Variants in LRIT3 observed in about 807,000 individuals in gnomAD.
LRIT3 encodes leucine rich repeat, Ig-like and transmembrane domains 3, also known as leucine-rich repeat, immunoglobulin-like domain and transmembrane domain-containing protein 3.
Under a neutral mutation model 22.6 loss-of-function variants are expected in LRIT3, and 14 were observed. That is an observed-to-expected ratio of 0.62 (90% CI 0.41 to 0.97). LRIT3 has a LOEUF of 0.97. Ranked by LOEUF, LRIT3 falls within the 50% of genes least tolerant of loss-of-function variation. The pLI is 0.00. For synonymous variants in LRIT3, 306 were observed against 304.5 expected (o/e 1.01, Z -0.05); for missense variants, 783 against 803.0 (o/e 0.98, Z 0.30).
rs1734810987 is a variant in LRIT3, at chr4:109,870,601, G to A, written c.1852G>A (p.Glu618Lys). The A allele has an allele frequency of 1.2e-6, 2 of 1,613,530 alleles. No homozygotes were observed. Among genetic ancestry groups the A allele is most frequent in the Non-Finnish European group, 1.7e-6 (2 of 1,179,724 alleles). Residue 618 changes from glutamate to lysine, a missense_variant, in exon 4 of 4, where the codon GAA becomes AAA. Glu to Lys is a moderately conservative substitution (Grantham distance 56). Around this residue, in one of 2 missense-constraint regions of LRIT3, gnomAD observed 756 missense variants for 753.8 expected, o/e 1.00. Transcript: ENST00000594814. ...KLQCKSEPFW[E>K]DDLAKETYIQ... ...GCAATGTAAATCAGAACCTTTTTGGGAAGATGATTTGGCAAAGGAGACTTA... is the reference window on the plus strand; with the variant it reads ...GCAATGTAAATCAGAACCTTTTTGGAAAGATGATTTGGCAAAGGAGACTTA...
At chr4:109,861,899 G>A (rs945193850) in intron 2 of LRIT3, among the ~76,000 whole-genome samples, 2 of 152,130 alleles carry the variant, frequency 1.3e-5, no homozygotes, top group African/African-American at 2.4e-5. Context: ...TATAGTTTTA[G>A]CCTTTATACT....
Position 109,870,814 on chromosome 4 carries a change from A to G in LRIT3, c.*25A>G. On this transcript the variant is annotated 3_prime_UTR_variant, in exon 4 of 4. Transcript: ENST00000594814. Reference sequence around the variant, plus strand: ...AGGTTCTGCAGCTCAGGTGCATGTGAGCTACAAAACTAGCATCTAAGGGTA... The same window carrying G: ...AGGTTCTGCAGCTCAGGTGCATGTGGGCTACAAAACTAGCATCTAAGGGTA... The G allele has an allele frequency of 6.5e-7, 1 of 1,548,432 alleles. No homozygotes were observed. Among genetic ancestry groups the G allele is most frequent in the Non-Finnish European group, 8.7e-7 (1 of 1,147,304 alleles).
intron 2 of LRIT3, among the ~76,000 whole-genome samples, chr4:109,866,035 A>G (rs761813843): frequency 6.6e-6 from 1 of 152,202 alleles, no homozygotes; most frequent in Non-Finnish European, 1.5e-5. Flanking sequence ...TTATTCACCC[A>G]TGGAAGAAAA....
intron 2 of LRIT3, among the ~76,000 whole-genome samples, chr4:109,867,410 T>A (rs1400196421): frequency 6.6e-6 from 1 of 152,212 alleles, no homozygotes; most frequent in South Asian, 2.1e-4. Flanking sequence ...ACAGAGTGAA[T>A]GCTCAATAAG....
At chr4:109,855,354 G>T (rs1278613742) in intron 2 of LRIT3, among the ~76,000 whole-genome samples, 1 of 152,100 alleles carries the variant, frequency 6.6e-6, no homozygotes, top group African/African-American at 2.4e-5. Flanking sequence ...TTCTCTGATG[G>T]TAGTTTGTAT....
chr4:109,850,152 T>C (rs1293929718), intron 1 of LRIT3, among the ~76,000 whole-genome samples: 1 of 152,238 alleles, frequency 6.6e-6, no homozygotes, highest in Non-Finnish European at 1.5e-5. Flanking sequence ...ATGTCATATG[T>C]TTCACTAAAG....
chr4:109,854,228 G>A lies in LRIT3; in HGVS notation c.589+2252G>A, dbSNP rs143022642. Reference sequence around the variant, plus strand: ...TTCTTCCTATCCATGAGCATGGAATGTTTTTCCATTTGTTTATATCTTCTT... The same window carrying A: ...TTCTTCCTATCCATGAGCATGGAATATTTTTCCATTTGTTTATATCTTCTT... On this transcript the variant is annotated intron_variant, in intron 2 of 3. Coordinates refer to ENST00000594814, the MANE Select transcript of LRIT3 (RefSeq NM_198506.5). 2.9e-3 allele frequency among the ~76,000 whole-genome samples: 446 copies of A among 152,268 alleles called. 2 individuals carry two copies. Among genetic ancestry groups the A allele is most frequent in the African/African-American group, 0.01 (428 of 41,542 alleles).
intron 2 of LRIT3, among the ~76,000 whole-genome samples, chr4:109,856,500 T>A (rs1734405615): frequency 6.6e-6 from 1 of 152,152 alleles, no homozygotes. Context: ...CATCTAAAAC[T>A]TCATCACTGG....
rs1172673759 is a variant in LRIT3 at position 109,870,830 on chromosome 4, T to C, written c.*41T>C. On this transcript the variant is annotated 3_prime_UTR_variant, in exon 4 of 4. Transcript: ENST00000594814. ...GTGCATGTGAGCTACAAAACTAGCATCTAAGGGTATAATTGACCCTAGGTT... is the reference window on the plus strand; with the variant it reads ...GTGCATGTGAGCTACAAAACTAGCACCTAAGGGTATAATTGACCCTAGGTT... The C allele has an allele frequency of 2.0e-6, 3 of 1,528,490 alleles. No homozygotes were observed. The highest frequency in any genetic ancestry group is 2.1e-5 in the Admixed American group (1 of 47,374). The allele number at this position is 1,528,490 out of a possible 1,614,324, so 94.7% of individuals were successfully genotyped here.
chr4:109,851,804 C>G lies in LRIT3; in HGVS notation c.417C>G (p.Asn139Lys). The G allele has an allele frequency of 6.4e-7, 1 of 1,551,790 alleles. No homozygotes were observed. The highest frequency in any genetic ancestry group is 8.7e-7 in the Non-Finnish European group (1 of 1,147,026). ...PLLRTLDLHN[N>K]KITSVPNEAL... ...TGAGGACCCTGGACTTGCACAATAA[C>G]AAAATAACCAGTGTGCCAAATGAGG... Residue 139 changes from asparagine (N) to lysine (K), a missense_variant, in exon 2 of 4, where the codon AAC (asparagine) becomes AAG (lysine). Around this residue, in one of 2 missense-constraint regions of LRIT3, gnomAD observed 756 missense variants for 753.8 expected, o/e 1.00. Coordinates refer to ENST00000594814, the MANE Select transcript of LRIT3 (RefSeq NM_198506.5).
intron 2 of LRIT3, among the ~76,000 whole-genome samples, chr4:109,855,211 T>C (rs1488057634): frequency 6.6e-6 from 1 of 152,230 alleles, no homozygotes; most frequent in African/African-American, 2.4e-5. Context: ...ACTGCCTCAA[T>C]TTCAGAACTT....
intron 2 of LRIT3, among the ~76,000 whole-genome samples, chr4:109,866,873 G>A (rs183313778): frequency 3.3e-5 from 5 of 152,296 alleles, no homozygotes; most frequent in African/African-American, 9.6e-5. Context: ...TCCGCTAACC[G>A]CATTGCTTGC....
chr4:109,850,418 C>CTTTCTTTCTCTTTCTTT (rs1491056843), intron 1 of LRIT3, among the ~76,000 whole-genome samples: 2 of 28,228 alleles, frequency 7.1e-5, no homozygotes, highest in Non-Finnish European at 1.3e-4. Flanking sequence ...TTCCTTCCTT[C>CTTTCTTTCTCTTTCTTT]CTTCCTTTCT....
At position 109,870,066 on chromosome 4, in the gene LRIT3, G is replaced by A. The variant is rs189069580; in HGVS notation, c.1317G>A (p.Lys439=). Residue 439 remains lysine, a synonymous_variant, in exon 4 of 4, where the codon AAG becomes AAA. Transcript: ENST00000594814. ...CAGCAAGTACCACCATGGCCAACAA[G>A]CGATCATTCCAGCTCCACCAAGGTG... The part of the protein sequence containing the change: ...SISASTTMAN[K]RSFQLHQGGK... 603 of 1,614,132 alleles carry A rather than the reference G, an allele frequency of 3.7e-4. 4 individuals are homozygous for A. The East Asian group carries it at 0.012, about 32-fold the overall frequency.
intron 2 of LRIT3, among the ~76,000 whole-genome samples, chr4:109,855,801 T>A (rs75599740): frequency 5.9e-5 from 9 of 152,292 alleles, no homozygotes; most frequent in African/African-American, 2.2e-4. Flanking sequence ...TTATGTACCC[T>A]GTAGTCATTA....
Position 109,870,957 on chromosome 4 carries a change from A to C in LRIT3, c.*168A>C, listed in dbSNP as rs1268282450. 3 of 589,208 alleles carry C rather than the reference A, an allele frequency of 5.1e-6. No homozygotes were observed. The highest frequency in any genetic ancestry group is 7.9e-6 in the Non-Finnish European group (3 of 380,872). The allele number at this position is 589,208 out of a possible 1,614,324, so 36.5% of individuals were successfully genotyped here. A position where few individuals can be genotyped will look rare whatever the true frequency, so the allele number is the denominator to read the frequency against. ...ACCATGAGACCTCTGAACTGAAAAG[A>C]CAAATAATGTTGATTTTTTTTCTTG... On this transcript the variant is annotated 3_prime_UTR_variant, in exon 4 of 4. Coordinates refer to ENST00000594814, the MANE Select transcript of LRIT3 (RefSeq NM_198506.5).
intron 2 of LRIT3, among the ~76,000 whole-genome samples, chr4:109,866,908 A>T (rs199751434): frequency 1.3e-5 from 2 of 152,216 alleles, no homozygotes; most frequent in East Asian, 3.8e-4. Flanking sequence ...TGAAGGGAGT[A>T]TTGAGCAAGT....
chr4:109,867,884 C>T lies in LRIT3; in HGVS notation c.833C>T (p.Thr278Ile). ...GSNVLLRCDA[T>I]GFPTPQITWT... Reference sequence around the variant, plus strand: ...AATGTTCTACTGCGGTGTGATGCCACTGGCTTCCCCACCCCACAGATCACA... The same window carrying T: ...AATGTTCTACTGCGGTGTGATGCCATTGGCTTCCCCACCCCACAGATCACA... The change falls in exon 3 of 4, where the codon ACT becomes ATT. Residue 278 changes from threonine (T) to isoleucine (I), a missense_variant. By Grantham distance (89) the Thr-to-Ile change is moderately conservative. This residue lies in a region of LRIT3 where 756 missense variants were observed against 753.8 expected (regional missense o/e 1.00). Coordinates refer to ENST00000594814, the MANE Select transcript of LRIT3 (RefSeq NM_198506.5). The T allele has an allele frequency of 6.2e-7, 1 of 1,613,982 alleles. No individual in the cohort carries two copies. Among genetic ancestry groups the T allele is most frequent in the Non-Finnish European group, 8.5e-7 (1 of 1,180,012 alleles).
chr4:109,870,218 T>G lies in LRIT3; in HGVS notation c.1469T>G (p.Leu490Arg). The change falls in exon 4 of 4, where the codon CTC (leucine) becomes CGC (arginine). Residue 490 changes from leucine (L) to arginine (R), a missense_variant. Leu to Arg is a moderately radical substitution (Grantham distance 102). Around this residue, in one of 2 missense-constraint regions of LRIT3, gnomAD observed 756 missense variants for 753.8 expected, o/e 1.00. Transcript: ENST00000594814. ...GAGACAAATGCCGCAATAGAAAACC[T>G]CAGGGTGGTCAGTGAGACTAAAGAG... ...LTETNAAIEN[L>R]RVVSETKESV... 1.2e-6 allele frequency: 2 copies of G among 1,614,142 alleles called. No homozygotes were observed. The highest frequency in any genetic ancestry group is 1.7e-6 in the Non-Finnish European group (2 of 1,180,014).
Sources: allele counts gnomAD v4.1 joint callset (sites outside exome capture counted in the v4.1 genomes callset), GRCh38; gene constraint gnomAD v4.1.1; regional missense constraint gnomAD v4.1.1; transcripts MANE v1.5; gene names NCBI Gene and HGNC (gene_info 2026-07-23, HGNC 2026-07-21).